TRAPPC3: variants seen among roughly 807,000 people sequenced by gnomAD.
TRAPPC3 encodes the protein trafficking protein particle complex 3.
TRAPPC3 carries 5 observed loss-of-function variants against 18.2 expected under a neutral mutation model. The ratio of observed to expected loss-of-function variants is 0.28; its 90% CI spans 0.14 to 0.58. The LOEUF is 0.58. Among genes scored for constraint, TRAPPC3 ranks in the 20% least tolerant of loss-of-function variants. The pLI, the probability that TRAPPC3 is intolerant of heterozygous loss-of-function variation, is 0.91. For synonymous variants in TRAPPC3, 65 were observed against 84.2 expected (o/e 0.77, Z 1.25); for missense variants, 176 against 225.9 (o/e 0.78, Z 1.41).
intron 1 of TRAPPC3, among the ~76,000 whole-genome samples, chr1:36,146,278 C>T (rs554449011): frequency 1.4e-5 from 2 of 146,722 alleles, no homozygotes; most frequent in African/African-American, 5.0e-5. Flanking sequence ...GGGGTTTCAC[C>T]ATGTTGGCCA....
In TRAPPC3 at chr1:36,143,253, T is replaced by TG. The variant is rs549681486; in HGVS notation, c.43-3088dup. Among the ~76,000 whole-genome samples the TG allele has an allele frequency of 5.8e-3, 820 of 142,280 alleles. 5 individuals carry two copies. The highest frequency in any genetic ancestry group is 0.012 in the South Asian group (52 of 4,238). 93.3% of individuals were successfully genotyped at this position (142,280 alleles called of 152,430 possible). A position where few individuals can be genotyped will look rare whatever the true frequency, so the allele number is the denominator to read the frequency against. ...ATTGGGGGCATTTACGTGTGTGTGT[T>TG]GGGGGGGTGGTTAATTTTAATCGAA... On this transcript the variant is annotated intron_variant, in intron 1 of 4. Coordinates refer to ENST00000373166, the MANE Select transcript of TRAPPC3 (RefSeq NM_014408.5).
At chr1:36,145,327 C>T (rs1051371146) in intron 1 of TRAPPC3, among the ~76,000 whole-genome samples, 5 of 151,910 alleles carry the variant, frequency 3.3e-5, no homozygotes, top group African/African-American at 1.2e-4. Flanking sequence ...CCATGCCTGG[C>T]CAGGAGGCTG....
chr1:36,151,836 G>A (rs1473081561), upstream of TRAPPC3, among the ~76,000 whole-genome samples: 3 of 152,178 alleles, frequency 2.0e-5, no homozygotes, highest in African/African-American at 2.4e-5. Flanking sequence ...CTCTCTCCTG[G>A]GAACCCAAAG....
At chr1:36,144,122 T>C (rs1644156886) in intron 1 of TRAPPC3, among the ~76,000 whole-genome samples, 1 of 151,462 alleles carries the variant, frequency 6.6e-6, no homozygotes, top group African/African-American at 2.4e-5. Context: ...ACCCCGTCTC[T>C]ACTAAAAATA....
Position 36,137,129 on chromosome 1 carries a change from G to A in TRAPPC3, c.*74C>T. The A allele has an allele frequency of 6.5e-7, 1 of 1,534,140 alleles. No individual in the cohort carries two copies. Among genetic ancestry groups the A allele is most frequent in the Non-Finnish European group, 8.9e-7 (1 of 1,120,334 alleles). ...CATGTTCAAGAGTCACTGAGTTCTG[G>A]AGGGCAGAGGGAGCACAGAGGCCTG... On this transcript the variant is annotated 3_prime_UTR_variant, in exon 5 of 5. Coordinates refer to ENST00000373166, the MANE Select transcript of TRAPPC3 (RefSeq NM_014408.5).
exon 1 of TRAPPC3, chr1:36,155,959 C>A: frequency 6.5e-6 from 1 of 154,510 alleles, no homozygotes; most frequent in South Asian, 1.8e-4. Context: ...CTCCTGGAGC[C>A]GTGGAGCCCG....
At chr1:36,147,852 C>A (rs1265346614) in intron 1 of TRAPPC3, among the ~76,000 whole-genome samples, 1 of 151,958 alleles carries the variant, frequency 6.6e-6, no homozygotes, top group East Asian at 1.9e-4. Context: ...TTCACTGAAA[C>A]GAAGAATACT....
At chr1:36,152,295 C>CTTTTTT (rs11364641), upstream of TRAPPC3, among the ~76,000 whole-genome samples, 2 of 135,576 alleles carry the variant, frequency 1.5e-5, no homozygotes, top group Non-Finnish European at 1.6e-5. Flanking sequence ...ATTTCTTTTT[C>CTTTTTT]TTTTTTTTTT....
intron 1 of TRAPPC3, 132 bp downstream of exon 1, chr1:36,149,205 C>T: frequency 6.6e-7 from 1 of 1,523,002 alleles, no homozygotes; most frequent in Non-Finnish European, 8.8e-7. Flanking sequence ...CGGAGTGACC[C>T]AGCAAGAGGC....
chr1:36,152,429 T>C (rs1027082451), upstream of TRAPPC3, among the ~76,000 whole-genome samples: 2 of 151,256 alleles, frequency 1.3e-5, no homozygotes, highest in Admixed American at 1.3e-4. Flanking sequence ...TGCCTCAGCC[T>C]CCTGAGTAGC....
intron 1 of TRAPPC3, among the ~76,000 whole-genome samples, chr1:36,147,830 T>C (rs1644224243): frequency 2.0e-5 from 3 of 152,152 alleles, no homozygotes; most frequent in African/African-American, 7.2e-5. Flanking sequence ...TGCCCCTCCC[T>C]AATTACCTTA....
Position 36,137,764 on chromosome 1 carries a change from G to A in TRAPPC3, c.423+32C>T, listed in dbSNP as rs200803116. On this transcript the variant is annotated intron_variant, in intron 4 of 4. Transcript: ENST00000373166. ...ACTTATCAAGTCCCTATTGCATTTC[G>A]GGTGTCCCAGAAGATAAAGAGTTGC... 1.7e-5 allele frequency: 27 copies of A among 1,596,006 alleles called. No individual in the cohort carries two copies. The East Asian group carries it at 4.0e-4, about 24-fold the overall frequency.
At chr1:36,152,471 C>T (rs1644278438), upstream of TRAPPC3, among the ~76,000 whole-genome samples, 1 of 151,714 alleles carries the variant, frequency 6.6e-6, no homozygotes, top group Admixed American at 6.6e-5. Context: ...CCATGCCTGG[C>T]TAATGTTTTT....
intron 1 of TRAPPC3, chr1:36,140,509 C>T: frequency 4.8e-6 from 1 of 209,784 alleles, no homozygotes; most frequent in Non-Finnish European, 9.4e-6. Flanking sequence ...CGGTCATTCA[C>T]TAGATGCTGT....
intron 1 of TRAPPC3, among the ~76,000 whole-genome samples, chr1:36,148,651 C>G (rs1336849799): frequency 1.3e-5 from 2 of 152,166 alleles, no homozygotes; most frequent in East Asian, 3.8e-4. Flanking sequence ...GCCCCAGCCC[C>G]TAGTCCAACT....
chr1:36,150,263 C>T (rs917755758), upstream of TRAPPC3, among the ~76,000 whole-genome samples: 3 of 152,196 alleles, frequency 2.0e-5, no homozygotes, highest in East Asian at 1.9e-4. Flanking sequence ...AGCACTTGGG[C>T]GCATAAAAGG....
rs528429190 is a variant in TRAPPC3, at chr1:36,144,320, G to C, written c.43-4154C>G. Among the ~76,000 whole-genome samples, 3 of 146,814 alleles carry C rather than the reference G, an allele frequency of 2.0e-5. No individual in the cohort carries two copies. The South Asian group carries it at 6.5e-4, about 32-fold the overall frequency. On this transcript the variant is annotated intron_variant, in intron 1 of 4. Transcript: ENST00000373166. ...AAAAAAAAAAAAAAAGGGAGGGCAA[G>C]TCATAAAGAAAGAAGATTTTGAATC...
chr1:36,155,013 C>A (rs1417990088), intron 1 of TRAPPC3, among the ~76,000 whole-genome samples: 2 of 152,188 alleles, frequency 1.3e-5, no homozygotes, highest in Non-Finnish European at 2.9e-5. Flanking sequence ...CCACTCTATC[C>A]CTCCAAATGG....
At chr1:36,139,193 C>G (rs1373910924) in intron 3 of TRAPPC3, among the ~76,000 whole-genome samples, 2 of 123,246 alleles carry the variant, frequency 1.6e-5, no homozygotes, top group African/African-American at 6.4e-5. Flanking sequence ...GAGTCTTGCT[C>G]TGTTACCCAG....
Sources: allele counts gnomAD v4.1 joint callset (sites outside exome capture counted in the v4.1 genomes callset), GRCh38; gene constraint gnomAD v4.1.1; transcripts MANE v1.5; gene names NCBI Gene and HGNC (gene_info 2026-07-23, HGNC 2026-07-21).